The following ADGB variants were observed in gnomAD, a reference collection of about 807,000 sequenced individuals.
The protein encoded by ADGB is calpain-7-like protein.
In ADGB, 172 loss-of-function variants were observed where a neutral mutation model predicts 210.5. The ratio of observed to expected loss-of-function variants is 0.82; its 90% CI spans 0.72 to 0.93. The LOEUF (loss-of-function observed/expected upper bound fraction) is 0.93, where lower values mean the gene tolerates loss of function less well. Among genes scored for constraint, ADGB ranks in the 40% least tolerant of loss-of-function variants. ADGB has a pLI of 0.00. For synonymous variants in ADGB, 658 were observed against 662.7 expected (o/e 0.99, Z 0.11); for missense variants, 2,025 against 1,964.8 (o/e 1.03, Z -0.58).
chr6:146,625,007 T>A (rs902439658), intron 1 of ADGB, among the ~76,000 whole-genome samples: 1 of 152,028 alleles, frequency 6.6e-6, no homozygotes, highest in Non-Finnish European at 1.5e-5. Context: ...TCTTGATAAA[T>A]ATGCTATGTG....
intron 16 of ADGB, among the ~76,000 whole-genome samples, chr6:146,720,294 A>G (rs1776794466): frequency 6.6e-6 from 1 of 152,076 alleles, no homozygotes; most frequent in Admixed American, 6.5e-5. Flanking sequence ...CCTTTGGTAA[A>G]TAGCTTACCC....
At chr6:146,605,464 C>A (rs1282103419) in intron 1 of ADGB, among the ~76,000 whole-genome samples, 1 of 152,144 alleles carries the variant, frequency 6.6e-6, no homozygotes. Flanking sequence ...GATTCAGTGA[C>A]AGATTTCTGA....
At chr6:146,767,587 G>A (rs551893619) in intron 28 of ADGB, among the ~76,000 whole-genome samples, 11 of 152,240 alleles carry the variant, frequency 7.2e-5, no homozygotes, top group African/African-American at 2.2e-4. Flanking sequence ...TCTCGTCTCA[G>A]CCTCTGGAGT....
chr6:146,642,595 T>C (rs2114867844), intron 2 of ADGB, among the ~76,000 whole-genome samples: 1 of 152,090 alleles, frequency 6.6e-6, no homozygotes, highest in Admixed American at 6.6e-5. Flanking sequence ...AAGAACAAGA[T>C]CGTGTCTTTT....
intron 1 of ADGB, among the ~76,000 whole-genome samples, chr6:146,611,859 T>TA (rs1254057161): frequency 6.6e-6 from 1 of 152,190 alleles, no homozygotes; most frequent in Non-Finnish European, 1.5e-5. Context: ...TATTTTTTTT[T>TA]ATGGATTTTG....
intron 33 of ADGB, among the ~76,000 whole-genome samples, chr6:146,800,205 A>C (rs1223558847): frequency 6.6e-6 from 1 of 152,200 alleles, no homozygotes; most frequent in African/African-American, 2.4e-5. Flanking sequence ...CATAAAGTTA[A>C]AAATAATGAT....
chr6:146,708,716 CCTT>C (rs1202073956), intron 13 of ADGB, among the ~76,000 whole-genome samples: 1 of 152,048 alleles, frequency 6.6e-6, no homozygotes, highest in Non-Finnish European at 1.5e-5. Context: ...ATTTTGAAGA[CCTT>C]CTACCTTCCT....
At chr6:146,730,844 C>T (rs954576681) in intron 20 of ADGB, among the ~76,000 whole-genome samples, 8 of 152,118 alleles carry the variant, frequency 5.3e-5, no homozygotes, top group African/African-American at 1.7e-4. Flanking sequence ...GAGGCTGAGG[C>T]AGGAGAATTG....
At chr6:146,748,099 A>C (rs565715075) in intron 26 of ADGB, among the ~76,000 whole-genome samples, 94 of 152,130 alleles carry the variant, frequency 6.2e-4, no homozygotes, top group African/African-American at 2.0e-3. Context: ...ATTATATTTT[A>C]TAACAGAAAA....
intron 12 of ADGB, among the ~76,000 whole-genome samples, chr6:146,695,739 CA>C (rs1368764929): frequency 6.6e-5 from 10 of 151,898 alleles, no homozygotes; most frequent in African/African-American, 2.4e-4. Flanking sequence ...AAGGAATGAA[CA>C]AGTGACCTGT....
At chr6:146,763,677 G>T (rs1777532279) in intron 27 of ADGB, among the ~76,000 whole-genome samples, 1 of 152,102 alleles carries the variant, frequency 6.6e-6, no homozygotes, top group South Asian at 2.1e-4. Context: ...TATACTTTTA[G>T]AAATAAGTGG....
Position 146,692,808 on chromosome 6 carries a change from T to C in ADGB, c.1487-17T>C, listed in dbSNP as rs752169114. On this transcript the variant is annotated splice_polypyrimidine_tract_variant and intron_variant, in intron 11 of 35. Coordinates refer to ENST00000397944, the MANE Select transcript of ADGB (RefSeq NM_024694.4). Reference sequence around the variant, plus strand: ...TTTTTTAAATGTACATCATACTTTCTAACTGCTACTTTTTAGAGTTAATAG... The same window carrying C: ...TTTTTTAAATGTACATCATACTTTCCAACTGCTACTTTTTAGAGTTAATAG... 1.4e-4 allele frequency: 200 copies of C among 1,398,630 alleles called. No individual in the cohort carries two copies. Among genetic ancestry groups the C allele is most frequent in the Middle Eastern group, 2.0e-4 (1 of 5,126 alleles). The allele number at this position is 1,398,630 out of a possible 1,614,324, so 86.6% of individuals were successfully genotyped here.
At chr6:146,716,381 G>A (rs1776734159) in intron 14 of ADGB, among the ~76,000 whole-genome samples, 1 of 128,216 alleles carries the variant, frequency 7.8e-6, no homozygotes, top group South Asian at 2.1e-4. Context: ...CATGAGGTCA[G>A]GAGATCGAGA....
intron 27 of ADGB, among the ~76,000 whole-genome samples, chr6:146,758,832 C>T (rs1777447204): frequency 6.6e-6 from 1 of 151,874 alleles, no homozygotes; most frequent in Non-Finnish European, 1.5e-5. Context: ...CAAGGAAAGG[C>T]TATTTCCATT....
chr6:146,612,261 G>A (rs11969374), intron 1 of ADGB, among the ~76,000 whole-genome samples: 2 of 151,876 alleles, frequency 1.3e-5, no homozygotes, highest in Non-Finnish European at 2.9e-5. Context: ...CTTTATTTAA[G>A]ATTACTAAAT....
chr6:146,684,000 T>C (rs1776190219), intron 9 of ADGB, among the ~76,000 whole-genome samples: 1 of 152,094 alleles, frequency 6.6e-6, no homozygotes, highest in African/African-American at 2.4e-5. Context: ...GCTAATGAAA[T>C]AGATCAACCT....
At chr6:146,608,961 A>G (rs1780668102) in intron 1 of ADGB, among the ~76,000 whole-genome samples, 1 of 152,174 alleles carries the variant, frequency 6.6e-6, no homozygotes, top group Non-Finnish European at 1.5e-5. Flanking sequence ...TAATATTGTC[A>G]TCGGGGTGTT....
intron 26 of ADGB, among the ~76,000 whole-genome samples, chr6:146,748,157 G>A (rs1355635553): frequency 2.6e-5 from 4 of 151,958 alleles, no homozygotes; most frequent in Non-Finnish European, 5.9e-5. Context: ...CATAAAAGAC[G>A]TGGAATATGG....
At chr6:146,695,169 G>A (rs1007543311) in intron 12 of ADGB, among the ~76,000 whole-genome samples, 3 of 151,968 alleles carry the variant, frequency 2.0e-5, no homozygotes, top group African/African-American at 2.4e-5. Context: ...TGGCTTTTCC[G>A]GGGCTTTGTT....
Sources: gnomAD v4.1 joint callset for allele counts (sites outside exome capture counted in the v4.1 genomes callset) on GRCh38, gnomAD v4.1.1 for gene constraint, MANE v1.5 for transcripts, NCBI Gene and HGNC (gene_info 2026-07-23, HGNC 2026-07-21) for gene names.